PTER: variants seen among roughly 807,000 people sequenced by gnomAD.
PTER encodes the protein N-acetyltaurine hydrolase.
Under a neutral mutation model 29.6 loss-of-function variants are expected in PTER, and 38 were observed. The observed-to-expected ratio is 1.28, with a 90% CI of 0.99 to 1.68. PTER has a LOEUF of 1.68. Ranked by LOEUF, PTER falls within the 40% of genes most tolerant of loss-of-function variation. The pLI, the probability that PTER is intolerant of heterozygous loss-of-function variation, is 0.00. For synonymous variants in PTER, 172 were observed against 154.5 expected (o/e 1.11, Z -0.84); for missense variants, 482 against 427.8 (o/e 1.13, Z -1.12).
intron 1 of PTER, among the ~76,000 whole-genome samples, chr10:16,482,255 A>T (rs1029710799): frequency 2.6e-5 from 4 of 152,212 alleles, no homozygotes; most frequent in South Asian, 2.1e-4. Context: ...AAATTGGCCT[A>T]CAATTCTGTC....
intron 1 of PTER, among the ~76,000 whole-genome samples, chr10:16,457,467 C>G (rs570158807): frequency 9.9e-5 from 15 of 152,146 alleles, no homozygotes; most frequent in Non-Finnish European, 2.1e-4. Context: ...CCCGTCTCGG[C>G]CTCCCAAAGT....
In PTER at chr10:16,513,325, A is replaced by G. The variant is rs1353260000; in HGVS notation, c.*2069A>G. On this transcript the variant is annotated 3_prime_UTR_variant, in exon 5 of 5. Coordinates refer to ENST00000535784, the MANE Select transcript of PTER (RefSeq NM_001261836.2). ...AATTTGTGCATGTTTGTGTGTGTAT[A>G]TATGCATACACTTTTTTATATTAAA... The G allele has an allele frequency of 6.6e-6, 1 of 152,522 alleles. No individual in the cohort carries two copies. Among genetic ancestry groups the G allele is most frequent in the Non-Finnish European group, 1.5e-5 (1 of 67,984 alleles). 9.4% of individuals were successfully genotyped at this position (152,522 alleles called of 1,614,324 possible). A position where few individuals can be genotyped will look rare whatever the true frequency, so the allele number is the denominator to read the frequency against.
intron 2 of PTER, among the ~76,000 whole-genome samples, chr10:16,485,115 C>T (rs1178376958): frequency 6.6e-6 from 1 of 152,178 alleles, no homozygotes; most frequent in South Asian, 2.1e-4. Context: ...TTGTGTGTAT[C>T]GTATCTGTCC....
intron 1 of PTER, among the ~76,000 whole-genome samples, chr10:16,468,642 C>T (rs1834932322): frequency 6.6e-6 from 1 of 152,042 alleles, no homozygotes. Context: ...AGATGTGACT[C>T]ACCGCAACGA....
intron 3 of PTER, among the ~76,000 whole-genome samples, chr10:16,500,118 C>T (rs1217916616): frequency 1.3e-5 from 2 of 152,180 alleles, no homozygotes; most frequent in Non-Finnish European, 2.9e-5. Context: ...GCAATCTCCC[C>T]TCACGTGTGA....
At chr10:16,455,699 A>G (rs1485154912) in intron 1 of PTER, among the ~76,000 whole-genome samples, 1 of 152,130 alleles carries the variant, frequency 6.6e-6, no homozygotes, top group East Asian at 1.9e-4. Context: ...AAAAAATAAA[A>G]AGAGCAAGCC....
chr10:16,448,521 A>G (rs1270802407), intron 1 of PTER, among the ~76,000 whole-genome samples: 1 of 152,196 alleles, frequency 6.6e-6, no homozygotes, highest in Non-Finnish European at 1.5e-5. Flanking sequence ...CTTAAAAGGA[A>G]TATCTCGACA....
intron 4 of PTER, 25 bp downstream of exon 4, chr10:16,505,185 G>A (rs947980494): frequency 5.0e-6 from 8 of 1,611,604 alleles, no homozygotes; most frequent in South Asian, 3.3e-5. Context: ...GCCTCTCATA[G>A]CATTCCCTTT....
intron 3 of PTER, among the ~76,000 whole-genome samples, chr10:16,500,330 GC>G (rs959201672): frequency 6.6e-6 from 1 of 151,958 alleles, no homozygotes; most frequent in African/African-American, 2.4e-5. Context: ...GCTCGCTGCA[GC>G]CTCAAACTCT....
At chr10:16,495,136 A>G (rs918919715) in intron 3 of PTER, among the ~76,000 whole-genome samples, 1 of 151,494 alleles carries the variant, frequency 6.6e-6, no homozygotes, top group Non-Finnish European at 1.5e-5. Context: ...GATAAACTCA[A>G]GGGGGAGGAG....
intron 3 of PTER, among the ~76,000 whole-genome samples, chr10:16,490,552 C>G (rs1835860954): frequency 6.6e-6 from 1 of 151,990 alleles, no homozygotes; most frequent in African/African-American, 2.4e-5. Flanking sequence ...TTTCTCAGCT[C>G]TCTTGTTGTC....
chr10:16,503,564 C>T (rs1162659438), intron 3 of PTER, among the ~76,000 whole-genome samples: 2 of 151,922 alleles, frequency 1.3e-5, no homozygotes, highest in African/African-American at 4.8e-5. Context: ...ACCACTATGC[C>T]CAGCTAATTT....
chr10:16,507,322 C>A (rs1033712919), intron 4 of PTER, among the ~76,000 whole-genome samples: 19 of 151,412 alleles, frequency 1.3e-4, no homozygotes, highest in Non-Finnish European at 2.9e-5. Flanking sequence ...AAAAATGTAA[C>A]ATGATCGGAG....
At chr10:16,474,957 C>T (rs758880178) in intron 1 of PTER, among the ~76,000 whole-genome samples, 1 of 152,250 alleles carries the variant, frequency 6.6e-6, no homozygotes, top group Middle Eastern at 3.4e-3. Flanking sequence ...GAAGCCCTGG[C>T]AGATTTGGTG....
At chr10:16,503,307 A>G (rs1300389333) in intron 3 of PTER, among the ~76,000 whole-genome samples, 1 of 150,990 alleles carries the variant, frequency 6.6e-6, no homozygotes, top group African/African-American at 2.4e-5. Context: ...GCTCACTGCA[A>G]CCTCCACTTC....
chr10:16,445,273 G>A (rs934225661), intron 1 of PTER, among the ~76,000 whole-genome samples: 2 of 152,136 alleles, frequency 1.3e-5, no homozygotes, highest in African/African-American at 4.8e-5. Context: ...GAGGCTGAGC[G>A]TGGTGGCTCC....
chr10:16,510,063 C>A (rs1836752704), intron 4 of PTER, among the ~76,000 whole-genome samples: 1 of 152,086 alleles, frequency 6.6e-6, no homozygotes, highest in Admixed American at 6.5e-5. Context: ...AAGGCACTGT[C>A]CGTCCGTCTA....
chr10:16,486,820 A>C (rs1338644466), intron 3 of PTER: 2 of 589,394 alleles, frequency 3.4e-6, no homozygotes, highest in African/African-American at 3.7e-5. Context: ...TCTGTGTCAG[A>C]TAGTGTCCTA....
intron 1 of PTER, among the ~76,000 whole-genome samples, chr10:16,477,258 C>CAATAGATA (rs375544990): frequency 3.4e-5 from 5 of 147,906 alleles, no homozygotes; most frequent in Non-Finnish European, 5.9e-5. Flanking sequence ...TTCTGTCTTT[C>CAATAGATA]GATAGATAGA....
Sources: gnomAD v4.1 joint callset for allele counts (sites outside exome capture counted in the v4.1 genomes callset) on GRCh38, gnomAD v4.1.1 for gene constraint, MANE v1.5 for transcripts, NCBI Gene and HGNC (gene_info 2026-07-23, HGNC 2026-07-21) for gene names.